ZRANB3: variants seen among roughly 807,000 people sequenced by gnomAD.
ZRANB3 encodes DNA annealing helicase and endonuclease ZRANB3.
In ZRANB3, 125 loss-of-function variants were observed where a neutral mutation model predicts 133.8. The observed-to-expected ratio is 0.93, with a 90% CI of 0.81 to 1.08. The LOEUF (loss-of-function observed/expected upper bound fraction) is 1.08, where lower values mean the gene tolerates loss of function less well. Ranked by LOEUF, ZRANB3 falls within the 50% of genes least tolerant of loss-of-function variation. The pLI is 0.00. For synonymous variants in ZRANB3, 387 were observed against 432.7 expected, an observed-to-expected ratio of 0.89 and a Z score of 1.31; for missense variants, 1,229 against 1,275.5, an observed-to-expected ratio of 0.96 and a Z score of 0.56.
intron 3 of ZRANB3, among the ~76,000 whole-genome samples, chr2:135,389,359 A>C (rs1305542187): frequency 6.6e-6 from 1 of 152,166 alleles, no homozygotes; most frequent in Non-Finnish European, 1.5e-5. Context: ...TCTGTATAGG[A>C]CTCATGTTAT....
At chr2:135,415,027 A>C (rs998987392) in intron 2 of ZRANB3, among the ~76,000 whole-genome samples, 1 of 151,778 alleles carries the variant, frequency 6.6e-6, no homozygotes, top group South Asian at 2.1e-4. Context: ...TGACACCCTA[A>C]CATCACAATT....
Position 135,227,964 on chromosome 2 carries a change from T to C in ZRANB3, c.2006A>G (p.Asp669Gly), listed in dbSNP as rs536039214. 6.4e-7 allele frequency: 1 copy of C among 1,552,260 alleles called. No individual in the cohort carries two copies. Among genetic ancestry groups the C allele is most frequent in the East Asian group, 2.4e-5 (1 of 40,956 alleles). The change falls in exon 14 of 21, where the codon GAT becomes GGT. Residue 669 changes from aspartate to glycine, a missense_variant. Asp to Gly is a moderately conservative substitution (Grantham distance 94). Coordinates refer to ENST00000264159, the MANE Select transcript of ZRANB3 (RefSeq NM_032143.4). ...CTTTTTGGAGGTGTCTTTCTGAGAA[T>C]CATCCTTCTCGTTTTTATCCTGGAT... ...NHIQDKNEKD[D>G]SQKDTSKKVQ...
At chr2:135,271,574 TAGG>T (rs1283454075) in intron 10 of ZRANB3, among the ~76,000 whole-genome samples, 191 bp downstream of exon 10, 1 of 152,240 alleles carries the variant, frequency 6.6e-6, no homozygotes, top group Admixed American at 6.5e-5. Flanking sequence ...CTTGAAAATT[TAGG>T]AGATCTGTGT....
At chr2:135,323,941 A>G (rs1371688962) in intron 6 of ZRANB3, among the ~76,000 whole-genome samples, 1 of 151,712 alleles carries the variant, frequency 6.6e-6, no homozygotes, top group Non-Finnish European at 1.5e-5. Flanking sequence ...GCTAATTTTT[A>G]TATTTTTAGT....
intron 1 of ZRANB3, among the ~76,000 whole-genome samples, chr2:135,524,290 C>A (rs1456798961): frequency 6.6e-6 from 1 of 152,120 alleles, no homozygotes; most frequent in East Asian, 1.9e-4. Flanking sequence ...CCATTTTAGT[C>A]AGGCTGGTCT....
intron 2 of ZRANB3, among the ~76,000 whole-genome samples, chr2:135,443,139 AAAAAG>A (rs1183757400): frequency 1.3e-5 from 2 of 151,832 alleles, no homozygotes; most frequent in Non-Finnish European, 2.9e-5. Flanking sequence ...AAGAAAAAGA[AAAAAG>A]AAAAGAAAAG....
intron 1 of ZRANB3, chr2:135,512,051 C>T (rs1371138444): frequency 5.6e-5 from 29 of 514,068 alleles, no homozygotes; most frequent in Non-Finnish European, 9.3e-5. Flanking sequence ...ATGGCAGAAA[C>T]CCCTCATGCA....
At chr2:135,431,312 T>C (rs1016712436) in intron 2 of ZRANB3, among the ~76,000 whole-genome samples, 2 of 150,756 alleles carry the variant, frequency 1.3e-5, no homozygotes, top group South Asian at 4.2e-4. Flanking sequence ...TGTAAATATA[T>C]ATGTAAAAAA....
intron 12 of ZRANB3, among the ~76,000 whole-genome samples, chr2:135,235,109 C>A (rs981449513): frequency 6.6e-6 from 1 of 152,136 alleles, no homozygotes. Flanking sequence ...GGGGATATCA[C>A]CACCGATCCC....
At position 135,480,118 on chromosome 2, in the gene ZRANB3, A is replaced by G. The variant is rs868278340; in HGVS notation, c.161+24211T>C. Among the ~76,000 whole-genome samples, 138 of 133,760 alleles carry G rather than the reference A, an allele frequency of 1.0e-3. No individual in the cohort carries two copies. The Middle Eastern group carries it at 0.015, about 14-fold the overall frequency. 87.8% of individuals were successfully genotyped at this position (133,760 alleles called of 152,430 possible). On this transcript the variant is annotated intron_variant, in intron 2 of 20. Transcript: ENST00000264159. Reference sequence around the variant, plus strand: ...CAGGCTAATTTTTTTTTTTTTTTGTATTTTTAGTAGAGATGGGGTTTCACT... The same window carrying G: ...CAGGCTAATTTTTTTTTTTTTTTGTGTTTTTAGTAGAGATGGGGTTTCACT...
At chr2:135,300,975 T>C (rs1199807198) in intron 8 of ZRANB3, among the ~76,000 whole-genome samples, 2 of 152,096 alleles carry the variant, frequency 1.3e-5, no homozygotes, top group African/African-American at 4.8e-5. Context: ...ATAGCTCTCA[T>C]TGACCTCCAG....
At chr2:135,495,468 A>C (rs1277716794) in intron 2 of ZRANB3, among the ~76,000 whole-genome samples, 1 of 152,178 alleles carries the variant, frequency 6.6e-6, no homozygotes, top group East Asian at 1.9e-4. Flanking sequence ...TATGCAACCT[A>C]CTCTCAAATG....
At chr2:135,463,122 G>T (rs1690833607) in intron 2 of ZRANB3, among the ~76,000 whole-genome samples, 1 of 152,186 alleles carries the variant, frequency 6.6e-6, no homozygotes. Flanking sequence ...GAAGCCAGGA[G>T]TTCAAGATTA....
Position 135,200,246 on chromosome 2 carries a change from T to G in ZRANB3, c.*96A>C. 2.0e-6 allele frequency: 2 copies of G among 1,007,794 alleles called. No individual in the cohort carries two copies. The highest frequency in any genetic ancestry group is 1.5e-6 in the Non-Finnish European group (1 of 678,994). The allele number at this position is 1,007,794 out of a possible 1,614,324, so 62.4% of individuals were successfully genotyped here. On this transcript the variant is annotated 3_prime_UTR_variant, in exon 21 of 21. Coordinates refer to ENST00000264159, the MANE Select transcript of ZRANB3 (RefSeq NM_032143.4). ...GAATTCTTGATTTTTGTTCTGAAAA[T>G]TTTTACTCTCGATATATTAAACAAA...
At chr2:135,356,729 T>C (rs1254652904) in intron 3 of ZRANB3, among the ~76,000 whole-genome samples, 2 of 152,180 alleles carry the variant, frequency 1.3e-5, no homozygotes, top group Non-Finnish European at 2.9e-5. Flanking sequence ...TGTGTGTTTG[T>C]TTTTTAGATA....
At chr2:135,406,621 C>A (rs1410171103) in intron 2 of ZRANB3, among the ~76,000 whole-genome samples, 1 of 152,162 alleles carries the variant, frequency 6.6e-6, no homozygotes, top group African/African-American at 2.4e-5. Context: ...AGCTTATCCA[C>A]CATGATCAAG....
intron 6 of ZRANB3, among the ~76,000 whole-genome samples, chr2:135,337,797 T>C (rs1358575746): frequency 6.6e-6 from 1 of 152,226 alleles, no homozygotes; most frequent in Non-Finnish European, 1.5e-5. Context: ...ATACTAGTTT[T>C]TCCATTTTTT....
chr2:135,308,771 T>A (rs531553054), intron 8 of ZRANB3, among the ~76,000 whole-genome samples: 37 of 151,652 alleles, frequency 2.4e-4, no homozygotes, highest in African/African-American at 8.9e-4. Context: ...TGAGTGAACA[T>A]TCATAAAAGC....
At chr2:135,428,426 CAA>C (rs34645774) in intron 2 of ZRANB3, among the ~76,000 whole-genome samples, 426 of 75,258 alleles carry the variant, frequency 5.7e-3, no homozygotes, top group African/African-American at 0.017. Context: ...ACTTTGTTTC[CAA>C]AAAAAAAAAA....
Sources: gnomAD v4.1 joint callset for allele counts (sites outside exome capture counted in the v4.1 genomes callset) on GRCh38, gnomAD v4.1.1 for gene constraint, MANE v1.5 for transcripts, NCBI Gene and HGNC (gene_info 2026-07-23, HGNC 2026-07-21) for gene names.